Variants in RASGRP1 observed in about 807,000 individuals in gnomAD.
RASGRP1 encodes RAS guanyl-releasing protein 1.
A neutral mutation model predicts 95.1 loss-of-function variants in RASGRP1; 37 were observed. The ratio of observed to expected loss-of-function variants is 0.39; its 90% CI spans 0.30 to 0.51. RASGRP1 has a LOEUF of 0.51. Ranked by LOEUF, RASGRP1 falls within the 20% of genes least tolerant of loss-of-function variation. RASGRP1 has a pLI of 0.80. For synonymous variants in RASGRP1, 325 were observed against 353.4 expected, an observed-to-expected ratio of 0.92 and a Z score of 0.90; for missense variants, 711 against 965.4, an observed-to-expected ratio of 0.74 and a Z score of 3.49.
At chr15:38,490,714 G>A in intron 16 of RASGRP1, 26 bp from the exon 17 acceptor site, 2 of 1,591,672 alleles carry the variant, frequency 1.3e-6, no homozygotes, top group Non-Finnish European at 1.7e-6. Flanking sequence ...AATGAGGTAT[G>A]TTAATAAAGC....
chr15:38,554,882 C>A (rs1307190472), intron 2 of RASGRP1, among the ~76,000 whole-genome samples: 1 of 152,222 alleles, frequency 6.6e-6, no homozygotes, highest in Non-Finnish European at 1.5e-5. Flanking sequence ...GTTCTTCACA[C>A]AGGGCCTGCC....
At chr15:38,559,680 G>T in intron 2 of RASGRP1, 141 bp downstream of exon 2, 1 of 859,264 alleles carries the variant, frequency 1.2e-6, no homozygotes, top group Non-Finnish European at 1.8e-6. Context: ...AGGCTCTGCA[G>T]ACTGTCTCCA....
intron 2 of RASGRP1, among the ~76,000 whole-genome samples, chr15:38,557,440 C>A (rs548848698): frequency 5.1e-4 from 78 of 152,274 alleles, no homozygotes; most frequent in African/African-American, 1.8e-3. Flanking sequence ...ACTGACTTCC[C>A]GCAGCATTCC....
chr15:38,539,080 G>C (rs113084837), intron 2 of RASGRP1, among the ~76,000 whole-genome samples: 15 of 152,322 alleles, frequency 9.8e-5, no homozygotes, highest in South Asian at 4.1e-4. Context: ...GAAACAGAGA[G>C]TAAGGTGGTA....
intron 5 of RASGRP1, 110 bp downstream of exon 5, chr15:38,518,182 G>A: frequency 9.6e-7 from 1 of 1,037,782 alleles, no homozygotes; most frequent in Non-Finnish European, 1.4e-6. Context: ...TCTCAGAGTG[G>A]AGAAAGAGAG....
At chr15:38,547,859 G>A (rs560473940) in intron 2 of RASGRP1, among the ~76,000 whole-genome samples, 14 of 152,022 alleles carry the variant, frequency 9.2e-5, no homozygotes, top group African/African-American at 2.2e-4. Context: ...GTGTGTGTGC[G>A]CGCGCGCGTG....
intron 14 of RASGRP1, among the ~76,000 whole-genome samples, chr15:38,499,713 G>T (rs1890938849): frequency 6.6e-6 from 1 of 152,142 alleles, no homozygotes; most frequent in Non-Finnish European, 1.5e-5. Flanking sequence ...ATATGGTTTA[G>T]CTCTGTGTCC....
intron 2 of RASGRP1, among the ~76,000 whole-genome samples, chr15:38,550,441 T>C (rs1893294470): frequency 6.6e-6 from 1 of 152,296 alleles, no homozygotes; most frequent in East Asian, 1.9e-4. Context: ...TAATCAGCCA[T>C]AGTTACTGCA....
Position 38,564,692 on chromosome 15 carries a change from G to T in RASGRP1, c.-64C>A. The T allele has an allele frequency of 8.5e-7, 1 of 1,178,858 alleles. No homozygotes were observed. 73.0% of individuals were successfully genotyped at this position (1,178,858 alleles called of 1,614,324 possible). A position where few individuals can be genotyped will look rare whatever the true frequency, so the allele number is the denominator to read the frequency against. On this transcript the variant is annotated 5_prime_UTR_variant, in exon 1 of 17. Coordinates refer to ENST00000310803, the MANE Select transcript of RASGRP1 (RefSeq NM_005739.4). ...CGGCCGGGCGCGGCGCATCGCCCCC[G>T]CCACCACCGCCGCCGCCTGCCGGCT...
intron 2 of RASGRP1, among the ~76,000 whole-genome samples, chr15:38,541,973 T>C (rs767883115): frequency 9.9e-5 from 15 of 152,166 alleles, no homozygotes; most frequent in South Asian, 4.1e-4. Flanking sequence ...CAGATTCTGA[T>C]AGACTAAGAG....
chr15:38,501,735 A>G lies in RASGRP1; in HGVS notation c.1539-448T>C, dbSNP rs116913273. Among the ~76,000 whole-genome samples, 7 of 152,376 alleles carry G rather than the reference A, an allele frequency of 4.6e-5. No homozygotes were observed. In the East Asian group the frequency reaches 1.3e-3, roughly 29 times the overall value. Reference sequence around the variant, plus strand: ...AGAAAAGTAAAAATGCAAAGTATGAATAAGTATTAGTTGTTTCCCAAAATC... The same window carrying G: ...AGAAAAGTAAAAATGCAAAGTATGAGTAAGTATTAGTTGTTTCCCAAAATC... On this transcript the variant is annotated intron_variant, in intron 12 of 16. Transcript: ENST00000310803.
At chr15:38,547,974 GT>G (rs773651084) in intron 2 of RASGRP1, among the ~76,000 whole-genome samples, 744 of 136,394 alleles carry the variant, frequency 5.5e-3, no homozygotes, top group South Asian at 0.011. Flanking sequence ...AAGTTTCCAG[GT>G]TTTTTTTTTT....
chr15:38,519,973 G>A (rs947102046), intron 3 of RASGRP1, among the ~76,000 whole-genome samples: 9 of 152,180 alleles, frequency 5.9e-5, no homozygotes, highest in African/African-American at 2.2e-4. Flanking sequence ...TAAACCGTGT[G>A]AATAATCGAA....
intron 2 of RASGRP1, among the ~76,000 whole-genome samples, chr15:38,548,753 C>T (rs985787670): frequency 1.3e-5 from 2 of 152,210 alleles, no homozygotes; most frequent in Non-Finnish European, 2.9e-5. Flanking sequence ...GGTTCACATA[C>T]TATGACTGTT....
At chr15:38,526,109 T>C (rs1892208804) in intron 3 of RASGRP1, among the ~76,000 whole-genome samples, 190 bp downstream of exon 3, 2 of 152,180 alleles carry the variant, frequency 1.3e-5, no homozygotes, top group East Asian at 1.9e-4. Flanking sequence ...ATCAATAACA[T>C]TGCCCCACCC....
chr15:38,494,402 T>C lies in RASGRP1; in HGVS notation c.2239A>G (p.Thr747Ala), dbSNP rs1432473809. The stretch of plus-strand genomic sequence containing the variant: ...GGTACCTGTTCCAGTTCTTGGTAGG[T>C]AGGCAGTCTGAGGTGACGGAGCTCC... ...KEELRHLRLP[T>A]YQELEQEINT... Residue 747 changes from threonine (T) to alanine (A), a missense_variant, in exon 16 of 17, where the codon ACC (threonine) becomes GCC (alanine). Physicochemically the swap from Thr to Ala is moderately conservative, Grantham distance 58. Transcript: ENST00000310803. 1 of 1,613,912 alleles carries C rather than the reference T, an allele frequency of 6.2e-7. No homozygotes were observed.
At chr15:38,497,852 C>G (rs1282464208) in intron 15 of RASGRP1, among the ~76,000 whole-genome samples, 3 of 152,206 alleles carry the variant, frequency 2.0e-5, no homozygotes, top group African/African-American at 7.2e-5. Flanking sequence ...TGTTTTGTCT[C>G]AGTCCTAGGA....
At chr15:38,559,532 A>G (rs1227142282) in intron 2 of RASGRP1, among the ~76,000 whole-genome samples, 1 of 152,230 alleles carries the variant, frequency 6.6e-6, no homozygotes, top group Non-Finnish European at 1.5e-5. Flanking sequence ...CAGATGCACA[A>G]TATCATTTTA....
rs1479094001 is a variant in RASGRP1, at chr15:38,501,282, C to T, written c.1544G>A (p.Gly515Asp). Residue 515 changes from glycine to aspartate, a missense_variant, in exon 13 of 17, where the codon GGC (glycine) becomes GAC (aspartate). Physicochemically the swap from Gly to Asp is moderately conservative, Grantham distance 94 (BLOSUM62 -1). This residue lies in a region of RASGRP1 where 491 missense variants were observed against 676.6 expected (regional missense o/e 0.73). Coordinates refer to ENST00000310803, the MANE Select transcript of RASGRP1 (RefSeq NM_005739.4). ...SFCVMDKDRE[G>D]LISRDEITAY... ...TGTGATCTCATCCCTGCTGATGAGG[C>T]CTTCCCTGCCGGCAGATGACCAAGG... The T allele has an allele frequency of 1.9e-6, 3 of 1,612,706 alleles. No individual in the cohort carries two copies. In the South Asian group the frequency reaches 3.3e-5, roughly 18 times the overall value.
Sources: allele counts gnomAD v4.1 joint callset (sites outside exome capture counted in the v4.1 genomes callset), GRCh38; gene constraint gnomAD v4.1.1; regional missense constraint gnomAD v4.1.1; transcripts MANE v1.5; gene names NCBI Gene and HGNC (gene_info 2026-07-23, HGNC 2026-07-21).